Variants in PJA2 observed in about 807,000 individuals in gnomAD.
PJA2 encodes the protein praja ring finger ubiquitin ligase 2, also known as E3 ubiquitin-protein ligase Praja-2.
A neutral mutation model predicts 69.3 loss-of-function variants in PJA2; 25 were observed. That is an observed-to-expected ratio of 0.36 (90% CI 0.26 to 0.50). The LOEUF is 0.50. Among genes scored for constraint, PJA2 ranks in the 20% least tolerant of loss-of-function variants. The pLI is 0.96. For missense variants in PJA2, 809 were observed against 830.2 expected (o/e 0.97, Z 0.31); for synonymous variants, 308 against 277.8 (o/e 1.11, Z -1.08).
At chr5:109,380,751 G>T (rs1489783429) in intron 3 of PJA2, among the ~76,000 whole-genome samples, 1 of 139,600 alleles carries the variant, frequency 7.2e-6, no homozygotes, top group East Asian at 2.0e-4. Flanking sequence ...GCTGCAGGGA[G>T]CCCAGATCAC....
intron 3 of PJA2, among the ~76,000 whole-genome samples, chr5:109,379,922 A>T (rs1747000487): frequency 6.6e-6 from 1 of 152,150 alleles, no homozygotes; most frequent in Non-Finnish European, 1.5e-5. Context: ...GAGTAAAATC[A>T]TATCTATAAA....
intron 7 of PJA2, among the ~76,000 whole-genome samples, chr5:109,351,779 CA>C: frequency 6.6e-6 from 1 of 151,998 alleles, no homozygotes; most frequent in East Asian, 1.9e-4. Context: ...CAACTACTTC[CA>C]AAAAGTTATA....
intron 1 of PJA2, among the ~76,000 whole-genome samples, chr5:109,400,760 A>T (rs563692736): frequency 6.6e-6 from 1 of 152,180 alleles, no homozygotes; most frequent in East Asian, 1.9e-4. Flanking sequence ...CAGGTGGATC[A>T]CGAGGTCAGG....
chr5:109,344,126 T>TAAA, intron 9 of PJA2, 64 bp downstream of exon 9: 1 of 809,024 alleles, frequency 1.2e-6, no homozygotes, highest in Non-Finnish European at 1.8e-6. Context: ...AAAAAGATAC[T>TAAA]ATTATTCACT....
At chr5:109,354,020 CTA>C (rs1762341160) in intron 7 of PJA2, among the ~76,000 whole-genome samples, 3 of 131,014 alleles carry the variant, frequency 2.3e-5, no homozygotes, top group East Asian at 2.1e-4. Context: ...GATTAGATAT[CTA>C]TGATATCTAG....
At chr5:109,367,956 C>CT (rs141080181) in intron 5 of PJA2, among the ~76,000 whole-genome samples, 4,635 of 152,276 alleles carry the variant, frequency 0.03, 92 homozygotes, top group Middle Eastern at 0.048. Context: ...TCATTTACAT[C>CT]TTGTCTATGG....
At chr5:109,383,622 A>G in intron 1 of PJA2, 102 bp from the exon 2 acceptor site, 1 of 484,292 alleles carries the variant, frequency 2.1e-6, no homozygotes. Flanking sequence ...TAAAACTTAG[A>G]AAAATACAAT....
chr5:109,359,268 G>T (rs149941885), intron 6 of PJA2, among the ~76,000 whole-genome samples: 5 of 152,170 alleles, frequency 3.3e-5, no homozygotes, highest in Non-Finnish European at 7.4e-5. Context: ...GCAATCAACT[G>T]TTTATTTTAT....
chr5:109,387,218 A>G lies in PJA2; in HGVS notation c.-87-3698T>C, dbSNP rs537544999. 2.6e-5 allele frequency among the ~76,000 whole-genome samples: 4 copies of G among 152,206 alleles called. No individual in the cohort carries two copies. In the East Asian group the frequency reaches 7.7e-4, roughly 29 times the overall value. Reference sequence around the variant, plus strand: ...TTTCTTATTCTGTGATTATTATTTAATAGTAGTTCTTGTGTTATGAATATA... The same window carrying G: ...TTTCTTATTCTGTGATTATTATTTAGTAGTAGTTCTTGTGTTATGAATATA... On this transcript the variant is annotated intron_variant, in intron 1 of 9. Coordinates refer to ENST00000361189, the MANE Select transcript of PJA2 (RefSeq NM_014819.5).
At position 109,378,820 on chromosome 5, in the gene PJA2, T is replaced by G; in HGVS notation, c.667A>C (p.Asn223His). The stretch of plus-strand genomic sequence containing the variant: ...TCAAACTCATCTCTTACTTCACAGT[T>G]AAATGAGGGAACTGGTGGTGAAAGA... ...TGLSPPVPSFNCEVRDEFEEL... is the reference protein window; with the variant it reads ...TGLSPPVPSFHCEVRDEFEEL... Residue 223 changes from asparagine to histidine, a missense_variant, in exon 4 of 10, where the codon AAC becomes CAC. Physicochemically the swap from Asn to His is moderately conservative, Grantham distance 68. Around this residue, in one of 4 missense-constraint regions of PJA2, gnomAD observed 700 missense variants for 639.5 expected, o/e 1.09. Transcript: ENST00000361189. 1 of 1,613,622 alleles carries G rather than the reference T, an allele frequency of 6.2e-7. No homozygotes were observed. The highest frequency in any genetic ancestry group is 8.5e-7 in the Non-Finnish European group (1 of 1,180,004).
At chr5:109,408,558 T>A (rs1032939166) in intron 1 of PJA2, among the ~76,000 whole-genome samples, 9 of 151,944 alleles carry the variant, frequency 5.9e-5, no homozygotes, top group Non-Finnish European at 1.2e-4. Context: ...ACTTTACGTG[T>A]ACTTGTATGT....
At chr5:109,356,097 T>C in intron 6 of PJA2, 71 bp from the exon 7 acceptor site, 2 of 969,120 alleles carry the variant, frequency 2.1e-6, no homozygotes, top group Admixed American at 2.1e-5. Context: ...GAGGACATAA[T>C]TATATTAGCA....
intron 3 of PJA2, among the ~76,000 whole-genome samples, chr5:109,379,870 AAT>A (rs1354973972): frequency 6.6e-6 from 1 of 152,208 alleles, no homozygotes; most frequent in African/African-American, 2.4e-5. Flanking sequence ...CAAAGAGATC[AAT>A]ATGTTGATTC....
rs62643557 is a variant in PJA2 at position 109,354,416 on chromosome 5, A to G, written c.1764+1499T>C. Among the ~76,000 whole-genome samples, 389 of 91,612 alleles carry G rather than the reference A, an allele frequency of 4.2e-3. 56 individuals are homozygous for G. The highest frequency in any genetic ancestry group is 0.013 in the African/African-American group (333 of 24,996). 60.1% of individuals were successfully genotyped at this position (91,612 alleles called of 152,430 possible). A position where few individuals can be genotyped will look rare whatever the true frequency, so the allele number is the denominator to read the frequency against. ...TGATATCTAGAGATATCTATAGATT[A>G]GATATCTATGATATCTAGAGATGTC... On this transcript the variant is annotated intron_variant, in intron 7 of 9. Coordinates refer to ENST00000361189, the MANE Select transcript of PJA2 (RefSeq NM_014819.5).
At position 109,368,729 on chromosome 5, in the gene PJA2, C is replaced by G. The variant is rs1327638084; in HGVS notation, c.1301G>C (p.Gly434Ala). ...KDEDSSECSD[G>A]EWSASLPHRF... ...ATGAGGCAAAGAAGCAGACCATTCC[C>G]CATCACTGCATTCAGAACTGCAAAT... Residue 434 changes from glycine to alanine, a missense_variant, in exon 5 of 10, where the codon GGG (glycine) becomes GCG (alanine). Gly to Ala is a moderately conservative substitution (Grantham distance 60). This residue lies in a region of PJA2 where 700 missense variants were observed against 639.5 expected (regional missense o/e 1.09). Transcript: ENST00000361189. 3 of 1,613,018 alleles carry G rather than the reference C, an allele frequency of 1.9e-6. No homozygotes were observed. The highest frequency in any genetic ancestry group is 2.5e-6 in the Non-Finnish European group (3 of 1,179,640).
At chr5:109,398,261 C>A (rs1231637290) in intron 1 of PJA2, among the ~76,000 whole-genome samples, 4 of 152,138 alleles carry the variant, frequency 2.6e-5, no homozygotes, top group African/African-American at 9.7e-5. Context: ...TTTGACCCAG[C>A]CATCCCATTA....
chr5:109,380,917 T>A (rs1747031796), intron 3 of PJA2, among the ~76,000 whole-genome samples: 1 of 150,854 alleles, frequency 6.6e-6, no homozygotes, highest in African/African-American at 2.4e-5. Context: ...GAGTTTGAGA[T>A]CAGCCTGGCC....
At chr5:109,390,709 G>A (rs1381558960) in intron 1 of PJA2, 1 of 151,178 alleles carries the variant, frequency 6.6e-6, no homozygotes, top group African/African-American at 2.4e-5. Context: ...CATTTCATCT[G>A]CTAGCTTTTT....
At chr5:109,340,314 G>C (rs1561338370) in intron 9 of PJA2, among the ~76,000 whole-genome samples, 1 of 151,928 alleles carries the variant, frequency 6.6e-6, no homozygotes, top group East Asian at 1.9e-4. Flanking sequence ...CTGGATTTCA[G>C]AGATTTTAAG....
Sources: gnomAD v4.1 joint callset for allele counts (sites outside exome capture counted in the v4.1 genomes callset) on GRCh38, gnomAD v4.1.1 for gene constraint, gnomAD v4.1.1 regional missense constraint, MANE v1.5 for transcripts, NCBI Gene and HGNC (gene_info 2026-07-23, HGNC 2026-07-21) for gene names.